LMO7: variants seen among roughly 807,000 people sequenced by gnomAD.
LMO7 encodes LIM domain 7, also known as LIM domain only protein 7.
In LMO7, 120 loss-of-function variants were observed where a neutral mutation model predicts 206.5. The observed-to-expected ratio is 0.58, with a 90% confidence interval of 0.50 to 0.68. LMO7 has a LOEUF of 0.68. Among genes scored for constraint, LMO7 ranks in the 30% least tolerant of loss-of-function variants. The pLI, the probability that LMO7 is intolerant of heterozygous loss-of-function variation, is 0.00. For missense variants in LMO7, 1,959 were observed against 1,957.9 expected, an observed-to-expected ratio of 1.00 and a Z score of -0.01; for synonymous variants, 706 against 681.5, an observed-to-expected ratio of 1.04 and a Z score of -0.56.
chr13:75,782,616 G>C (rs1299489646), intron 4 of LMO7, among the ~76,000 whole-genome samples: 1 of 152,058 alleles, frequency 6.6e-6, no homozygotes, highest in Non-Finnish European at 1.5e-5. Flanking sequence ...GTCTCTAGAT[G>C]TCATGTCTAA....
intron 2 of LMO7, among the ~76,000 whole-genome samples, chr13:75,629,246 C>T (rs1201188725): frequency 6.6e-6 from 1 of 152,118 alleles, no homozygotes; most frequent in African/African-American, 2.4e-5. Context: ...GTTATCAATG[C>T]TTTATTAATT....
At chr13:75,857,757 C>A (rs111294296) in intron 30 of LMO7, 164 bp from the exon 31 acceptor site, 5 of 421,470 alleles carry the variant, frequency 1.2e-5, no homozygotes, top group Non-Finnish European at 1.7e-5. Flanking sequence ...ATTCCAGAGA[C>A]GAGACACTGA....
chr13:75,732,932 A>G (rs1346150311), intron 3 of LMO7, among the ~76,000 whole-genome samples: 1 of 152,198 alleles, frequency 6.6e-6, no homozygotes, highest in African/African-American at 2.4e-5. Flanking sequence ...TGTCTGCAGA[A>G]CAGCTGATTT....
At chr13:75,636,166 G>T, upstream of LMO7, 1 of 367,574 alleles carries the variant, frequency 2.7e-6, no homozygotes, top group Non-Finnish European at 3.8e-6. Flanking sequence ...GCATCTCCCG[G>T]GCCAGACAGT....
At position 75,808,005 on chromosome 13, in the gene LMO7, T is replaced by C; in HGVS notation, c.1722T>C (p.Cys574=). ...CATCCAAAGAAAAAAGTAATAGCTG[T>C]AGAATATTAGTTCCTTCATATCGGC... ...TCPSKEKSNS[C]RILVPSYRQK... Residue 574 remains cysteine, a synonymous_variant, in exon 10 of 31, where the codon TGT becomes TGC. Coordinates refer to ENST00000377534, the MANE Select transcript of LMO7 (RefSeq NM_001306080.2). 6.2e-7 allele frequency: 1 copy of C among 1,613,914 alleles called. No homozygotes were observed.
intron 4 of LMO7, among the ~76,000 whole-genome samples, chr13:75,781,096 C>CTTTTTTTTTTTTTTTTTCTT (rs2051285777): frequency 7.2e-5 from 3 of 41,924 alleles, no homozygotes; most frequent in Non-Finnish European, 8.1e-5. Context: ...CTCTATTTTC[C>CTTTTTTTTTTTTTTTTTCTT]TTTTTTTTTT....
intron 3 of LMO7, among the ~76,000 whole-genome samples, chr13:75,727,708 C>T (rs2044617544): frequency 6.6e-6 from 1 of 151,764 alleles, no homozygotes; most frequent in African/African-American, 2.4e-5. Flanking sequence ...ATGTGCCATG[C>T]TGGTGTGCTG....
At chr13:75,739,361 A>G (rs539296991) in intron 3 of LMO7, among the ~76,000 whole-genome samples, 9 of 152,340 alleles carry the variant, frequency 5.9e-5, no homozygotes, top group Non-Finnish European at 1.2e-4. Flanking sequence ...CATCTTTCAG[A>G]TTACTTTCAG....
intron 3 of LMO7, among the ~76,000 whole-genome samples, chr13:75,737,772 T>TAA (rs2045995353): frequency 1.7e-3 from 10 of 5,808 alleles, no homozygotes; most frequent in Non-Finnish European, 2.4e-3. Flanking sequence ...AAAAATAAAA[T>TAA]AAAATAAAAT....
At chr13:75,817,118 G>C in intron 11 of LMO7, 43 bp from the exon 12 acceptor site, 1 of 1,411,810 alleles carries the variant, frequency 7.1e-7, no homozygotes, top group Non-Finnish European at 1.0e-6. Context: ...CCTAAGTCTG[G>C]TCATGTGAAC....
At chr13:75,621,076 T>C (rs2033288129) in exon 1 of LMO7, 1 of 152,230 alleles carries the variant, frequency 6.6e-6, no homozygotes. Flanking sequence ...TATTCTCATG[T>C]ACATTTTACA....
chr13:75,783,514 G>T (rs189558252), intron 4 of LMO7, among the ~76,000 whole-genome samples: 18 of 152,154 alleles, frequency 1.2e-4, no homozygotes, highest in Admixed American at 4.6e-4. Flanking sequence ...GAAGAGAAGG[G>T]GTTTCATCAT....
At chr13:75,657,023 G>T (rs1226133240) in intron 1 of LMO7, among the ~76,000 whole-genome samples, 1 of 152,212 alleles carries the variant, frequency 6.6e-6, no homozygotes, top group East Asian at 1.9e-4. Flanking sequence ...GCCAAATCCA[G>T]TGTGATTGGT....
intron 3 of LMO7, among the ~76,000 whole-genome samples, chr13:75,744,516 A>C (rs569651882): frequency 2.8e-4 from 43 of 152,350 alleles, no homozygotes; most frequent in African/African-American, 1.0e-3. Context: ...GGATTATATC[A>C]TACATGACAG....
At chr13:75,829,229 A>G (rs752215021) in intron 15 of LMO7, among the ~76,000 whole-genome samples, 5 of 152,202 alleles carry the variant, frequency 3.3e-5, no homozygotes, top group Non-Finnish European at 7.4e-5. Context: ...GGCAAGAGAC[A>G]TGGGAAAAAA....
chr13:75,682,011 T>C (rs1041227935), intron 1 of LMO7, among the ~76,000 whole-genome samples: 4 of 151,864 alleles, frequency 2.6e-5, no homozygotes, highest in African/African-American at 7.3e-5. Flanking sequence ...AAGAGTGGGA[T>C]TGATGGGGCA....
intron 1 of LMO7, among the ~76,000 whole-genome samples, chr13:75,675,274 A>G (rs1184125383): frequency 2.0e-5 from 3 of 151,992 alleles, no homozygotes; most frequent in African/African-American, 4.8e-5. Flanking sequence ...GGGTTTCACC[A>G]TGTTGGCCAG....
intron 1 of LMO7, among the ~76,000 whole-genome samples, chr13:75,622,466 C>A (rs778865081): frequency 1.3e-5 from 2 of 152,220 alleles, no homozygotes; most frequent in Non-Finnish European, 2.9e-5. Context: ...CTGGAATTTA[C>A]TTTGAAAAGT....
intron 4 of LMO7, among the ~76,000 whole-genome samples, chr13:75,776,190 T>TATATATCGG (rs2050451395): frequency 2.0e-5 from 2 of 101,586 alleles, no homozygotes; most frequent in African/African-American, 7.3e-5. Flanking sequence ...TATATATATA[T>TATATATCGG]ATATATATAT....
Sources: gnomAD v4.1 joint callset for allele counts (sites outside exome capture counted in the v4.1 genomes callset) on GRCh38, gnomAD v4.1.1 for gene constraint, MANE v1.5 for transcripts, NCBI Gene and HGNC (gene_info 2026-07-23, HGNC 2026-07-21) for gene names.